The following TRPM3 variants were observed in gnomAD, a reference collection of about 807,000 sequenced individuals.
The protein encoded by TRPM3 is transient receptor potential cation channel subfamily M member 3.
A neutral mutation model predicts 181.2 loss-of-function variants in TRPM3; 77 were observed. That is an observed-to-expected ratio of 0.42 (90% CI 0.35 to 0.51). TRPM3 has a LOEUF of 0.51. Ranked by LOEUF, TRPM3 falls within the 20% of genes least tolerant of loss-of-function variation. TRPM3 has a pLI of 0.01. For missense variants in TRPM3, 1,759 were observed against 2,196.7 expected (o/e 0.80, Z 3.98); for synonymous variants, 745 against 796.4 (o/e 0.94, Z 1.09).
chr9:70,805,814 A>T (rs1588613104), intron 6 of TRPM3, among the ~76,000 whole-genome samples: 1 of 152,156 alleles, frequency 6.6e-6, no homozygotes, highest in African/African-American at 2.4e-5. Flanking sequence ...CTTCTCCCCA[A>T]ACTCTTCATG....
chr9:70,800,876 A>C (rs961198791), intron 6 of TRPM3, among the ~76,000 whole-genome samples: 3 of 152,330 alleles, frequency 2.0e-5, no homozygotes, highest in African/African-American at 7.2e-5. Flanking sequence ...GCATTGTTCA[A>C]GGGTCAACTC....
At chr9:71,364,347 C>T (rs1226393464) in intron 1 of TRPM3, among the ~76,000 whole-genome samples, 1 of 152,188 alleles carries the variant, frequency 6.6e-6, no homozygotes, top group Non-Finnish European at 1.5e-5. Context: ...ATATGAGACA[C>T]ATGCAGTCAT....
chr9:71,102,043 A>C (rs932157484), intron 1 of TRPM3, among the ~76,000 whole-genome samples: 1 of 152,192 alleles, frequency 6.6e-6, no homozygotes, highest in Non-Finnish European at 1.5e-5. Flanking sequence ...TTTCTTTTCA[A>C]ATATATTTTA....
chr9:70,616,129 G>A, intron 17 of TRPM3, 54 bp from the exon 18 acceptor site: 2 of 1,403,014 alleles, frequency 1.4e-6, no homozygotes, highest in South Asian at 1.4e-5. Flanking sequence ...ATTAAGATTA[G>A]GGTGGTTGTT....
At chr9:71,121,668 T>C (rs1448763962), upstream of TRPM3, 3 of 1,117,384 alleles carry the variant, frequency 2.7e-6, no homozygotes, top group Non-Finnish European at 3.3e-6. Flanking sequence ...AGGTCAGGCG[T>C]TGGGGGGGAA....
chr9:71,153,280 T>C (rs1302520336), intron 1 of TRPM3, among the ~76,000 whole-genome samples: 2 of 150,636 alleles, frequency 1.3e-5, no homozygotes, highest in African/African-American at 2.5e-5. Flanking sequence ...CTATTTTAAA[T>C]GGCGCCATTA....
chr9:71,157,651 G>C (rs1276791548), intron 1 of TRPM3, among the ~76,000 whole-genome samples: 1 of 152,066 alleles, frequency 6.6e-6, no homozygotes, highest in Non-Finnish European at 1.5e-5. Flanking sequence ...CCAAAATTCA[G>C]TTATTAGCTG....
intron 1 of TRPM3, among the ~76,000 whole-genome samples, chr9:71,113,790 G>A (rs993641164): frequency 2.4e-4 from 37 of 152,140 alleles, no homozygotes; most frequent in Non-Finnish European, 8.8e-5. Flanking sequence ...GAGATACTGA[G>A]GCCTGGTCAT....
At chr9:70,684,292 G>C (rs1200103018) in intron 8 of TRPM3, among the ~76,000 whole-genome samples, 3 of 152,156 alleles carry the variant, frequency 2.0e-5, no homozygotes, top group Admixed American at 2.0e-4. Flanking sequence ...GTACAACAGG[G>C]CTTCACAGTT....
chr9:71,035,425 G>A (rs1368081979), intron 1 of TRPM3, among the ~76,000 whole-genome samples: 1 of 152,158 alleles, frequency 6.6e-6, no homozygotes, highest in Non-Finnish European at 1.5e-5. Context: ...CACAATTAAT[G>A]TACTCTTTGG....
chr9:70,807,489 C>A (rs1376784738), intron 6 of TRPM3, among the ~76,000 whole-genome samples: 1 of 152,028 alleles, frequency 6.6e-6, no homozygotes, highest in African/African-American at 2.4e-5. Context: ...TTTTTTATAG[C>A]TTTTTAGTAT....
chr9:71,311,620 T>C (rs1372422287), intron 1 of TRPM3, among the ~76,000 whole-genome samples: 1 of 151,938 alleles, frequency 6.6e-6, no homozygotes, highest in Non-Finnish European at 1.5e-5. Context: ...TAACTCAACA[T>C]GAGTCATAGA....
intron 4 of TRPM3, 77 bp downstream of exon 4, chr9:70,846,301 T>A (rs1376224892): frequency 7.2e-7 from 1 of 1,394,224 alleles, no homozygotes; most frequent in Admixed American, 1.7e-5. Context: ...TAGAAATAAT[T>A]AATCTTAGCA....
chr9:71,140,650 C>T (rs1485778014), intron 1 of TRPM3, among the ~76,000 whole-genome samples: 1 of 152,108 alleles, frequency 6.6e-6, no homozygotes, highest in Non-Finnish European at 1.5e-5. Context: ...TTCATTTATT[C>T]ATTCATTCAT....
In TRPM3 at chr9:70,788,538, C is replaced by T. The variant is rs1024197657; in HGVS notation, c.974-4259G>A. Among the ~76,000 whole-genome samples, 6 of 152,060 alleles carry T rather than the reference C, an allele frequency of 3.9e-5. 1 individual carries two copies. Among genetic ancestry groups the T allele is most frequent in the African/African-American group, 1.4e-4 (6 of 41,400 alleles). On this transcript the variant is annotated intron_variant, in intron 6 of 25. Coordinates refer to ENST00000677713, the MANE Select transcript of TRPM3 (RefSeq NM_001366145.2). Reference sequence around the variant, plus strand: ...CAGTGGTCTCCAACCTTTTTGACACCAGGGACTGGTTTCATGGAAGACAAT... The same window carrying T: ...CAGTGGTCTCCAACCTTTTTGACACTAGGGACTGGTTTCATGGAAGACAAT...
chr9:70,571,007 G>A (rs1252893222), intron 22 of TRPM3, among the ~76,000 whole-genome samples: 1 of 152,012 alleles, frequency 6.6e-6, no homozygotes, highest in Non-Finnish European at 1.5e-5. Flanking sequence ...AACAGTATCA[G>A]TTATTTTGAG....
At chr9:70,797,801 A>G (rs1348981221) in intron 6 of TRPM3, among the ~76,000 whole-genome samples, 1 of 152,148 alleles carries the variant, frequency 6.6e-6, no homozygotes, top group Non-Finnish European at 1.5e-5. Context: ...CTACTTTCAG[A>G]GAACCTGAGA....
At chr9:71,183,558 C>T (rs1367207370) in intron 1 of TRPM3, among the ~76,000 whole-genome samples, 1 of 152,122 alleles carries the variant, frequency 6.6e-6, no homozygotes, top group Non-Finnish European at 1.5e-5. Context: ...TTATTATATA[C>T]TAACCTATTC....
chr9:71,403,716 A>G (rs1015905843), intron 1 of TRPM3, among the ~76,000 whole-genome samples: 2 of 152,170 alleles, frequency 1.3e-5, no homozygotes, highest in African/African-American at 4.8e-5. Context: ...GAACCCAGAC[A>G]GTGTGACTCC....
Sources: gnomAD v4.1 joint callset for allele counts (sites outside exome capture counted in the v4.1 genomes callset) on GRCh38, gnomAD v4.1.1 for gene constraint, MANE v1.5 for transcripts, NCBI Gene and HGNC (gene_info 2026-07-23, HGNC 2026-07-21) for gene names.